Variants in TPRG1 observed in about 807,000 individuals in gnomAD.
TPRG1 encodes tumor protein p63-regulated gene 1 protein.
A neutral mutation model predicts 29.3 loss-of-function variants in TPRG1; 29 were observed. The ratio of observed to expected loss-of-function variants is 0.99; its 90% CI spans 0.74 to 1.35. TPRG1 has a LOEUF of 1.35. Ranked by LOEUF, TPRG1 falls within the 40% of genes most tolerant of loss-of-function variation. The probability of loss-of-function intolerance (pLI) is 0.00; values close to 1 mark genes in which losing one functional copy is unlikely to be tolerated. For missense variants in TPRG1, 327 were observed against 335.0 expected (o/e 0.98, Z 0.19); for synonymous variants, 130 against 116.8 (o/e 1.11, Z -0.73).
intron 5 of TPRG1, among the ~76,000 whole-genome samples, chr3:189,153,826 G>A (rs546654202): frequency 6.6e-6 from 1 of 152,328 alleles, no homozygotes; most frequent in Non-Finnish European, 1.5e-5. Context: ...TGAGAGACAA[G>A]AGGACCATAT....
intron 4 of TPRG1, among the ~76,000 whole-genome samples, chr3:189,303,762 C>A (rs1314478338): frequency 1.3e-5 from 2 of 152,156 alleles, no homozygotes; most frequent in Admixed American, 1.3e-4. Flanking sequence ...CACATATATT[C>A]CAACATTGTG....
At position 189,310,510 on chromosome 3, in the gene TPRG1, A is replaced by G; in HGVS notation, c.604A>G (p.Thr202Ala). Reference sequence around the variant, plus strand: ...TTTCACTGAGCATCCTATGAAATACACCAGTGAGAAATTCCTTGAAATTTG... The same window carrying G: ...TTTCACTGAGCATCCTATGAAATACGCCAGTGAGAAATTCCTTGAAATTTG... ...ATFTEHPMKY[T>A]SEKFLEICKL... Residue 202 changes from threonine (T) to alanine (A), a missense_variant, in exon 5 of 6, where the codon ACC (threonine) becomes GCC (alanine). Physicochemically the swap from Thr to Ala is moderately conservative, Grantham distance 58. Coordinates refer to ENST00000345063, the MANE Select transcript of TPRG1 (RefSeq NM_198485.4). 1 of 1,610,796 alleles carries G rather than the reference A, an allele frequency of 6.2e-7. No homozygotes were observed. Among genetic ancestry groups the G allele is most frequent in the Non-Finnish European group, 8.5e-7 (1 of 1,178,700 alleles).
upstream of TPRG1, among the ~76,000 whole-genome samples, chr3:189,169,541 A>G (rs80019123): frequency 7.4e-3 from 1,123 of 152,326 alleles, 35 homozygotes; most frequent in Admixed American, 0.058. Context: ...TCTGGTAAAA[A>G]TTATTCTGTG....
rs780384248 is a variant in TPRG1, at chr3:189,204,730, C to T, written c.-9-2646C>T. ...TTGTTAGGCGTGTGTTCACAGAGTG[C>T]GCAAATACAGAAGCAGGCTTTCCTT... On this transcript the variant is annotated intron_variant, in intron 1 of 5. Coordinates refer to ENST00000345063, the MANE Select transcript of TPRG1 (RefSeq NM_198485.4). 4.6e-5 allele frequency among the ~76,000 whole-genome samples: 7 copies of T among 152,268 alleles called. 1 individual carries two copies. Among genetic ancestry groups the T allele is most frequent in the Admixed American group, 2.0e-4 (3 of 15,292 alleles).
At chr3:189,292,544 A>G (rs1369807997) in intron 4 of TPRG1, among the ~76,000 whole-genome samples, 1 of 152,164 alleles carries the variant, frequency 6.6e-6, no homozygotes, top group East Asian at 1.9e-4. Flanking sequence ...ATTAACAGAA[A>G]TAACAGAAGG....
At chr3:189,016,261 C>G (rs189006443) in intron 3 of TPRG1, among the ~76,000 whole-genome samples, 2 of 151,992 alleles carry the variant, frequency 1.3e-5, no homozygotes, top group Non-Finnish European at 2.9e-5. Context: ...TTGCTTGGGG[C>G]CTGTAGCACC....
chr3:189,181,789 C>A (rs1227332096), intron 1 of TPRG1, among the ~76,000 whole-genome samples: 1 of 152,290 alleles, frequency 6.6e-6, no homozygotes, highest in Non-Finnish European at 1.5e-5. Flanking sequence ...TTCAGCAGCA[C>A]CCTACTCTAC....
intron 4 of TPRG1, among the ~76,000 whole-genome samples, chr3:189,307,531 C>A (rs530702337): frequency 5.3e-5 from 8 of 152,336 alleles, no homozygotes; most frequent in African/African-American, 1.7e-4. Context: ...ATGACAGCCT[C>A]CTCAGAGCAA....
chr3:189,181,583 A>G (rs1338158082), intron 1 of TPRG1, among the ~76,000 whole-genome samples: 1 of 152,138 alleles, frequency 6.6e-6, no homozygotes, highest in African/African-American at 2.4e-5. Context: ...CAAGTTCCTC[A>G]TCTCCATCTG....
intron 4 of TPRG1, among the ~76,000 whole-genome samples, chr3:189,260,984 G>A (rs949801865): frequency 6.6e-6 from 1 of 152,156 alleles, no homozygotes; most frequent in Non-Finnish European, 1.5e-5. Flanking sequence ...CCGGCTCGTG[G>A]CCCGGGCCAA....
At chr3:189,276,290 GT>G (rs910374683) in intron 4 of TPRG1, among the ~76,000 whole-genome samples, 3 of 152,296 alleles carry the variant, frequency 2.0e-5, no homozygotes, top group African/African-American at 7.2e-5. Flanking sequence ...GGTGCTGGAA[GT>G]AGGGGGTTGT....
At chr3:189,091,438 T>C (rs11923799) in intron 4 of TPRG1, among the ~76,000 whole-genome samples, 14,069 of 152,158 alleles carry the variant, frequency 0.092, 830 homozygotes, top group African/African-American at 0.17. Context: ...CATCACATAG[T>C]AATAGCCTGT....
chr3:189,084,160 AAG>A (rs1186239038), intron 4 of TPRG1, among the ~76,000 whole-genome samples: 16 of 152,124 alleles, frequency 1.1e-4, no homozygotes, highest in East Asian at 3.9e-4. Flanking sequence ...CCAAAAAAAA[AAG>A]AAAAGAAAAA....
At chr3:189,278,830 C>T (rs1336800222) in intron 4 of TPRG1, among the ~76,000 whole-genome samples, 1 of 152,186 alleles carries the variant, frequency 6.6e-6, no homozygotes, top group Non-Finnish European at 1.5e-5. Context: ...TCTCTTCCAT[C>T]ACCCCCTTGC....
At position 189,208,570 on chromosome 3, in the gene TPRG1, G is replaced by A. The variant is rs138153217; in HGVS notation, c.210+976G>A. 6.8e-4 allele frequency among the ~76,000 whole-genome samples: 103 copies of A among 152,230 alleles called. No individual in the cohort carries two copies. In the East Asian group the frequency reaches 0.017, roughly 26 times the overall value. On this transcript the variant is annotated intron_variant, in intron 2 of 5. Coordinates refer to ENST00000345063, the MANE Select transcript of TPRG1 (RefSeq NM_198485.4). ...AAAGTTTTAACTAAAGCAACTTAAC[G>A]AGTGTGTGTGTGTGCCTGTGTGAGT...
chr3:189,185,578 T>C (rs1730815467), intron 1 of TPRG1, among the ~76,000 whole-genome samples: 1 of 152,002 alleles, frequency 6.6e-6, no homozygotes, highest in Non-Finnish European at 1.5e-5. Flanking sequence ...CTGTCAGTCC[T>C]AAGGATTATC....
At chr3:189,192,334 T>G (rs1206871179) in intron 1 of TPRG1, among the ~76,000 whole-genome samples, 1 of 152,214 alleles carries the variant, frequency 6.6e-6, no homozygotes, top group Non-Finnish European at 1.5e-5. Context: ...TATTTATTAC[T>G]GATTCATTTG....
intron 2 of TPRG1, among the ~76,000 whole-genome samples, chr3:189,127,832 C>T (rs1722664268): frequency 1.3e-5 from 2 of 152,136 alleles, no homozygotes; most frequent in Admixed American, 1.3e-4. Flanking sequence ...GTTGTCTTCC[C>T]TCAGACTCAG....
chr3:189,320,036 A>C (rs1724126344), intron 5 of TPRG1, among the ~76,000 whole-genome samples: 1 of 152,062 alleles, frequency 6.6e-6, no homozygotes, highest in Non-Finnish European at 1.5e-5. Flanking sequence ...TCTAACTTTC[A>C]TTACTTTTTA....
Sources: gnomAD v4.1 joint callset for allele counts (sites outside exome capture counted in the v4.1 genomes callset) on GRCh38, gnomAD v4.1.1 for gene constraint, MANE v1.5 for transcripts, NCBI Gene and HGNC (gene_info 2026-07-23, HGNC 2026-07-21) for gene names.